Variants in STXBP3 observed in about 807,000 individuals in gnomAD.
The protein encoded by STXBP3 is syntaxin binding protein 3, also known as syntaxin-binding protein 3.
Under a neutral mutation model 85.7 loss-of-function variants are expected in STXBP3, and 41 were observed. That is an observed-to-expected ratio of 0.48 (90% CI 0.37 to 0.62). STXBP3 has a LOEUF of 0.62. Ranked by LOEUF, STXBP3 falls within the 20% of genes least tolerant of loss-of-function variation. The probability of loss-of-function intolerance (pLI) is 0.00; values close to 1 mark genes in which losing one functional copy is unlikely to be tolerated. For synonymous variants in STXBP3, 229 were observed against 231.7 expected, an observed-to-expected ratio of 0.99 and a Z score of 0.10; for missense variants, 563 against 703.1, an observed-to-expected ratio of 0.80 and a Z score of 2.25.
chr1:108,783,023 G>A (rs1320370256), intron 11 of STXBP3, among the ~76,000 whole-genome samples: 4 of 152,104 alleles, frequency 2.6e-5, no homozygotes, highest in Non-Finnish European at 4.4e-5. Context: ...TTGCCTCAGC[G>A]GGATTACTGG....
At chr1:108,770,061 G>A (rs972174334) in intron 6 of STXBP3, among the ~76,000 whole-genome samples, 9 of 152,142 alleles carry the variant, frequency 5.9e-5, no homozygotes, top group African/African-American at 1.9e-4. Context: ...AGGCCAAGGC[G>A]GAAGGATTGC....
intron 3 of STXBP3, 48 bp downstream of exon 3, chr1:108,753,192 G>T: frequency 7.5e-7 from 1 of 1,332,608 alleles, no homozygotes; most frequent in Non-Finnish European, 1.0e-6. Context: ...AATTGGGGGA[G>T]ATCTGAGGTA....
intron 6 of STXBP3, among the ~76,000 whole-genome samples, 180 bp from the exon 7 acceptor site, chr1:108,772,481 TATAA>T (rs1324453458): frequency 6.9e-6 from 1 of 145,898 alleles, no homozygotes; most frequent in East Asian, 1.9e-4. Flanking sequence ...CTGTATAATA[TATAA>T]ATACATGATA....
intron 6 of STXBP3, among the ~76,000 whole-genome samples, chr1:108,760,482 A>G (rs1662116286): frequency 6.6e-6 from 1 of 152,120 alleles, no homozygotes; most frequent in South Asian, 2.1e-4. Flanking sequence ...TTTAATTTAT[A>G]AAGTGAGGGG....
intron 9 of STXBP3, chr1:108,782,135 T>A (rs1188092839): frequency 3.4e-6 from 1 of 294,032 alleles, no homozygotes; most frequent in Non-Finnish European, 6.3e-6. Context: ...AAGTTAACTG[T>A]AGGACGTTGA....
intron 4 of STXBP3, among the ~76,000 whole-genome samples, chr1:108,757,496 A>G (rs1344882644): frequency 2.0e-5 from 3 of 152,026 alleles, no homozygotes; most frequent in Non-Finnish European, 2.9e-5. Context: ...CTGTAATATA[A>G]TTCCATAAGA....
intron 6 of STXBP3, among the ~76,000 whole-genome samples, chr1:108,768,837 C>G (rs1662321857): frequency 6.6e-6 from 1 of 152,190 alleles, no homozygotes; most frequent in Non-Finnish European, 1.5e-5. Flanking sequence ...GATTAACTCA[C>G]TCATGGTGAT....
chr1:108,802,189 G>T (rs556160688), intron 17 of STXBP3, among the ~76,000 whole-genome samples: 8 of 152,174 alleles, frequency 5.3e-5, no homozygotes, highest in African/African-American at 1.9e-4. Flanking sequence ...TTGAGGTCAG[G>T]AGTTCGAGAC....
intron 6 of STXBP3, among the ~76,000 whole-genome samples, chr1:108,764,067 A>G (rs967854806): frequency 6.6e-6 from 1 of 151,984 alleles, no homozygotes. Context: ...CCTAGTGCCT[A>G]TTGTTCCTCT....
intron 17 of STXBP3, among the ~76,000 whole-genome samples, chr1:108,804,047 A>C (rs1663281449): frequency 6.6e-6 from 1 of 152,006 alleles, no homozygotes; most frequent in African/African-American, 2.4e-5. Flanking sequence ...TGTGTATCTG[A>C]GGATTTATTT....
chr1:108,799,650 A>G (rs959994956), intron 16 of STXBP3, among the ~76,000 whole-genome samples: 1 of 152,156 alleles, frequency 6.6e-6, no homozygotes, highest in African/African-American at 2.4e-5. Context: ...GTTCATGCAC[A>G]CCTAACCATA....
In STXBP3 at chr1:108,793,157, A is replaced by ATTTTTTTTTCTTTTTTTTTTTTT. The variant is rs751400870; in HGVS notation, c.964-416_964-415insCTTTTTTTTTTTTTTTTTTTTTT. 9.8e-4 allele frequency among the ~76,000 whole-genome samples: 66 copies of ATTTTTTTTTCTTTTTTTTTTTTT among 67,492 alleles called. 5 individuals carry two copies. The highest frequency in any genetic ancestry group is 0.011 in the Middle Eastern group (1 of 94). The allele number at this position is 67,492 out of a possible 152,430, so 44.3% of individuals were successfully genotyped here. A position where few individuals can be genotyped will look rare whatever the true frequency, so the allele number is the denominator to read the frequency against. On this transcript the variant is annotated intron_variant, in intron 11 of 18. Coordinates refer to ENST00000370008, the MANE Select transcript of STXBP3 (RefSeq NM_007269.4). The stretch of plus-strand genomic sequence containing the variant: ...CTCACAGCCCCAAGCTCTTATCTCC[A>ATTTTTTTTTCTTTTTTTTTTTTT]TTTTTTTTTTTTTTTTTTTTTTTTT...
chr1:108,758,585 G>T lies in STXBP3; in HGVS notation c.334G>T (p.Asp112Tyr). ...TAAAGCAGCATATATTTACTTCACT[G>T]ACTGTAAGTCTTTTAAAAAGTTATT... ...KYKAAYIYFT[D>Y]FCPDNLFNKI... Residue 112 changes from aspartate to tyrosine, a missense_variant, in exon 5 of 19, where the codon GAC (aspartate) becomes TAC (tyrosine). Physicochemically the swap from Asp to Tyr is radical, Grantham distance 160. Around this residue, in one of 3 missense-constraint regions of STXBP3, gnomAD observed 494 missense variants for 592.8 expected, o/e 0.83. Transcript: ENST00000370008. The T allele has an allele frequency of 1.3e-6, 2 of 1,494,902 alleles. No homozygotes were observed. Among genetic ancestry groups the T allele is most frequent in the South Asian group, 1.4e-5 (1 of 71,618 alleles). The allele number at this position is 1,494,902 out of a possible 1,614,324, so 92.6% of individuals were successfully genotyped here. A position where few individuals can be genotyped will look rare whatever the true frequency, so the allele number is the denominator to read the frequency against.
At chr1:108,797,211 A>G (rs1435291024) in intron 15 of STXBP3, among the ~76,000 whole-genome samples, 3 of 151,782 alleles carry the variant, frequency 2.0e-5, no homozygotes, top group Non-Finnish European at 4.4e-5. Flanking sequence ...AAAAATAACC[A>G]GGTGTGTTGG....
intron 11 of STXBP3, among the ~76,000 whole-genome samples, chr1:108,783,040 C>T (rs1039321218): frequency 2.6e-5 from 4 of 152,166 alleles, no homozygotes; most frequent in Non-Finnish European, 5.9e-5. Context: ...CTGGTGTGCA[C>T]CACCACACCT....
At chr1:108,807,347 G>C (rs962070181) in intron 17 of STXBP3, 54 bp from the exon 18 acceptor site, 6 of 1,547,570 alleles carry the variant, frequency 3.9e-6, no homozygotes, top group African/African-American at 2.8e-5. Flanking sequence ...AAGCATTATG[G>C]CTTTGGAAAT....
intron 8 of STXBP3, among the ~76,000 whole-genome samples, chr1:108,777,169 A>T (rs1018028043): frequency 6.6e-6 from 1 of 152,270 alleles, no homozygotes; most frequent in Middle Eastern, 3.4e-3. Context: ...TTGCTAGTTT[A>T]GAAGAGGAGT....
At chr1:108,772,521 CAT>C (rs1237101798) in intron 6 of STXBP3, 142 bp from the exon 7 acceptor site, 1 of 213,964 alleles carries the variant, frequency 4.7e-6, no homozygotes, top group Non-Finnish European at 8.1e-6. Flanking sequence ...TATATAAATA[CAT>C]ATGATATATA....
intron 10 of STXBP3, 47 bp downstream of exon 10, chr1:108,782,564 T>C: frequency 6.2e-7 from 1 of 1,602,156 alleles, no homozygotes; most frequent in Non-Finnish European, 8.5e-7. Flanking sequence ...TTAGACACTA[T>C]GTGATAGTAC....
Sources: gnomAD v4.1 joint callset for allele counts (sites outside exome capture counted in the v4.1 genomes callset) on GRCh38, gnomAD v4.1.1 for gene constraint, gnomAD v4.1.1 regional missense constraint, MANE v1.5 for transcripts, NCBI Gene and HGNC (gene_info 2026-07-23, HGNC 2026-07-21) for gene names.